JAML: variants seen among roughly 807,000 people sequenced by gnomAD.
JAML encodes the protein junction adhesion molecule like.
In JAML, 25 loss-of-function variants were observed where a neutral mutation model predicts 39.3. The ratio of observed to expected loss-of-function variants is 0.64; its 90% CI spans 0.46 to 0.89. JAML has a LOEUF of 0.89. Ranked by LOEUF, JAML falls within the 40% of genes least tolerant of loss-of-function variation. JAML has a pLI of 0.00. For synonymous variants in JAML, 162 were observed against 179.2 expected (o/e 0.90, Z 0.77); for missense variants, 440 against 486.9 (o/e 0.90, Z 0.91).
At chr11:118,212,785 T>G in intron 2 of JAML, 2 of 1,600,200 alleles carry the variant, frequency 1.2e-6, no homozygotes, top group Non-Finnish European at 1.7e-6. Flanking sequence ...AAATGCTATC[T>G]GGCTCCCTCC....
At chr11:118,219,388 C>T (rs1949184979) in intron 1 of JAML, among the ~76,000 whole-genome samples, 1 of 152,136 alleles carries the variant, frequency 6.6e-6, no homozygotes. Context: ...AAGTAAGCAA[C>T]AATGAGGAGG....
chr11:118,213,536 T>C (rs1366732709), intron 2 of JAML, among the ~76,000 whole-genome samples: 1 of 152,178 alleles, frequency 6.6e-6, no homozygotes, highest in African/African-American at 2.4e-5. Context: ...CTCCAACAAA[T>C]ATTTGGAATT....
At chr11:118,223,289 G>C (rs544202360) in intron 1 of JAML, among the ~76,000 whole-genome samples, 3 of 152,018 alleles carry the variant, frequency 2.0e-5, no homozygotes, top group African/African-American at 7.3e-5. Context: ...GCCAGAATCC[G>C]GGCCCATGTG....
At chr11:118,212,937 C>G in intron 2 of JAML, 2 of 1,614,220 alleles carry the variant, frequency 1.2e-6, no homozygotes, top group South Asian at 1.1e-5. Flanking sequence ...ATGGGTTGTT[C>G]CTTGCTCTTA....
At chr11:118,209,709 A>T (rs1029747887) in intron 4 of JAML, among the ~76,000 whole-genome samples, 24 of 145,946 alleles carry the variant, frequency 1.6e-4, no homozygotes, top group African/African-American at 4.8e-4. Context: ...TTTTTTTTTT[A>T]TTTTTTATTT....
At chr11:118,197,429 A>T (rs1479605886) in intron 8 of JAML, 1 of 152,532 alleles carries the variant, frequency 6.6e-6, no homozygotes, top group African/African-American at 2.4e-5. Context: ...AAAGAAAACC[A>T]ATCAATTTCT....
intron 2 of JAML, chr11:118,212,801 T>C: frequency 6.2e-7 from 1 of 1,611,096 alleles, no homozygotes; most frequent in Non-Finnish European, 8.5e-7. Flanking sequence ...CCTCCTCCTA[T>C]CCAGCCCCTT....
chr11:118,218,292 C>T (rs1421769714), intron 1 of JAML, among the ~76,000 whole-genome samples: 3 of 152,128 alleles, frequency 2.0e-5, no homozygotes, highest in Non-Finnish European at 4.4e-5. Flanking sequence ...AGGGTTTCAC[C>T]ATGTTGGCCA....
rs116937826 is a variant in JAML at position 118,222,003 on chromosome 11, C to T, written c.-21+2938G>A. On this transcript the variant is annotated intron_variant, in intron 1 of 9. Transcript: ENST00000356289. The surrounding 1 kb of genome is among the most constrained non-coding windows in gnomAD (Gnocchi z 4.2). ...AAAGCCAGAAATATTGGCCATTTGT[C>T]CTGGCTAAAATCTGGTAATAAAAGA... 7.2e-5 allele frequency among the ~76,000 whole-genome samples: 11 copies of T among 152,264 alleles called. No individual in the cohort carries two copies. In the East Asian group the frequency reaches 2.1e-3, roughly 29 times the overall value.
chr11:118,214,806 C>T lies in JAML; in HGVS notation c.43+18G>A, dbSNP rs1949118860. 1 of 1,613,076 alleles carries T rather than the reference C, an allele frequency of 6.2e-7. No homozygotes were observed. Among genetic ancestry groups the T allele is most frequent in the East Asian group, 2.2e-5 (1 of 44,880 alleles). On this transcript the variant is annotated intron_variant, in intron 2 of 9. Transcript: ENST00000356289. ...GGAGAAATCAAATACCCCACGGAGT[C>T]CCTTAGCTTCTACTTACCCAGTAAC...
intron 7 of JAML, among the ~76,000 whole-genome samples, chr11:118,199,558 A>G (rs1354618834): frequency 6.6e-6 from 1 of 152,156 alleles, no homozygotes; most frequent in Non-Finnish European, 1.5e-5. Context: ...CGATAGTTGG[A>G]TAAACTGAGG....
At chr11:118,218,808 A>T (rs76760614) in intron 1 of JAML, among the ~76,000 whole-genome samples, 103 of 128,816 alleles carry the variant, frequency 8.0e-4, no homozygotes, top group East Asian at 6.2e-3. Context: ...TTTCAGTTTT[A>T]AAAAAAATCC....
At position 118,212,538 on chromosome 11, in the gene JAML, A is replaced by C. The variant is rs1565483171; in HGVS notation, c.67T>G (p.Leu23Val). 1 of 1,614,150 alleles carries C rather than the reference A, an allele frequency of 6.2e-7. No individual in the cohort carries two copies. Among genetic ancestry groups the C allele is most frequent in the Non-Finnish European group, 8.5e-7 (1 of 1,180,024 alleles). Reference protein sequence around the residue: ...LLDYSLGLNDLNVSPPELTVH... With the variant: ...LLDYSLGLNDVNVSPPELTVH... ...GTTAGCTCAGGCGGGGAAACATTCA[A>C]GTCATTCAGGCCCAAGGAATAATCT... The change falls in exon 3 of 10, where the codon TTG becomes GTG. Residue 23 changes from leucine (L) to valine (V), a missense_variant. Leu to Val is a conservative substitution (Grantham distance 32). Transcript: ENST00000356289.
At chr11:118,217,351 G>A (rs999272291) in intron 1 of JAML, among the ~76,000 whole-genome samples, 6 of 152,220 alleles carry the variant, frequency 3.9e-5, no homozygotes, top group African/African-American at 9.7e-5. Flanking sequence ...CACTAAAGCC[G>A]AGTAACTCAG....
Position 118,203,622 on chromosome 11 carries a change from A to T in JAML, c.578T>A (p.Val193Glu), listed in dbSNP as rs1793174. Reference protein sequence around the residue: ...FRYYHKLRMSVEYSQSWGHFQ... With the variant: ...FRYYHKLRMSEEYSQSWGHFQ... Reference sequence around the variant, plus strand: ...GTGGCCCCAGCTCTGGGAGTACTCCACAGACATCCTGAGTTTGTGGTAGTA... The same window carrying T: ...GTGGCCCCAGCTCTGGGAGTACTCCTCAGACATCCTGAGTTTGTGGTAGTA... The change falls in exon 6 of 10, where the codon GTG (valine) becomes GAG (glutamate). Residue 193 changes from valine (V) to glutamate (E), a missense_variant. Physicochemically the swap from Val to Glu is moderately radical, Grantham distance 121 (BLOSUM62 -2). Transcript: ENST00000356289. 6.2e-7 allele frequency: 1 copy of T among 1,613,932 alleles called. No individual in the cohort carries two copies. Among genetic ancestry groups the T allele is most frequent in the Non-Finnish European group, 8.5e-7 (1 of 1,179,944 alleles).
chr11:118,208,987 G>T, intron 4 of JAML: 1 of 225,852 alleles, frequency 4.4e-6, no homozygotes, highest in Non-Finnish European at 9.3e-6. Context: ...TATCCCTGTC[G>T]TCCAGAACTA....
At chr11:118,207,432 G>A (rs61006938) in intron 4 of JAML, among the ~76,000 whole-genome samples, 4,311 of 152,250 alleles carry the variant, frequency 0.028, 198 homozygotes, top group African/African-American at 0.098. Flanking sequence ...AGGAAAGCCC[G>A]AGTTTTCTCA....
intron 2 of JAML, chr11:118,213,239 G>A: frequency 8.0e-7 from 1 of 1,245,548 alleles, no homozygotes; most frequent in Non-Finnish European, 1.0e-6. Flanking sequence ...GTCACTACAA[G>A]AAAAAACCAT....
Position 118,214,828 on chromosome 11 carries a change from T to C in JAML, c.39A>G (p.Leu13=). 1 of 1,614,098 alleles carries C rather than the reference T, an allele frequency of 6.2e-7. No homozygotes were observed. Among genetic ancestry groups the C allele is most frequent in the Non-Finnish European group, 8.5e-7 (1 of 1,179,982 alleles). ...AGTCCCTTAGCTTCTACTTACCCAGTAACACTGGCAGCAGGATGAGTTTCA... is the reference window on the plus strand; with the variant it reads ...AGTCCCTTAGCTTCTACTTACCCAGCAACACTGGCAGCAGGATGAGTTTCA... ...CPLKLILLPV[L]LDYSLGLNDL... The change falls in exon 2 of 10, where the codon TTA becomes TTG. Residue 13 remains leucine, a synonymous_variant. Transcript: ENST00000356289.
Sources: allele counts gnomAD v4.1 joint callset (sites outside exome capture counted in the v4.1 genomes callset), GRCh38; gene constraint gnomAD v4.1.1; non-coding constraint Gnocchi (gnomAD v3.1); transcripts MANE v1.5; gene names NCBI Gene and HGNC (gene_info 2026-07-23, HGNC 2026-07-21).